MXRA7: variants seen among roughly 807,000 people sequenced by gnomAD.
The protein encoded by MXRA7 is matrix remodeling associated 7, also known as matrix-remodeling-associated protein 7.
A neutral mutation model predicts 17.4 loss-of-function variants in MXRA7; 18 were observed. The ratio of observed to expected loss-of-function variants is 1.03; its 90% CI spans 0.71 to 1.53. The LOEUF (loss-of-function observed/expected upper bound fraction) is 1.53. Among genes scored for constraint, MXRA7 ranks in the 40% most tolerant of loss-of-function variants. MXRA7 has a pLI of 0.00. For synonymous variants in MXRA7, 70 were observed against 101.7 expected, an observed-to-expected ratio of 0.69 and a Z score of 1.87; for missense variants, 141 against 209.3, an observed-to-expected ratio of 0.67 and a Z score of 2.01.
chr17:76,697,707 C>G lies in MXRA7; in HGVS notation c.343-9531G>C, dbSNP rs192689855. The stretch of plus-strand genomic sequence containing the variant: ...ACGGGACGTGCCTCCTGACAGCCTC[C>G]CCAGTGCTAGGAGCCTAGGACCAGG... On this transcript the variant is annotated intron_variant, in intron 1 of 3. Coordinates refer to ENST00000449428, the MANE Select transcript of MXRA7 (RefSeq NM_198530.4). 5.5e-3 allele frequency among the ~76,000 whole-genome samples: 836 copies of G among 152,284 alleles called. 5 individuals are homozygous for G. Among genetic ancestry groups the G allele is most frequent in the African/African-American group, 0.019 (796 of 41,540 alleles).
At chr17:76,698,815 C>T (rs1215167513) in intron 1 of MXRA7, among the ~76,000 whole-genome samples, 2 of 146,656 alleles carry the variant, frequency 1.4e-5, no homozygotes, top group African/African-American at 5.0e-5. Context: ...CTCCGCCTCC[C>T]GGGTTCAAGA....
intron 2 of MXRA7, 61 bp from the exon 3 acceptor site, chr17:76,685,226 G>A (rs372784388): frequency 1.3e-5 from 17 of 1,273,142 alleles, no homozygotes; most frequent in Admixed American, 1.0e-4. Flanking sequence ...CACAAACCCC[G>A]GCCCCCTTTC....
chr17:76,706,092 A>C (rs1036316823), intron 1 of MXRA7, among the ~76,000 whole-genome samples: 9 of 140,942 alleles, frequency 6.4e-5, no homozygotes, highest in Non-Finnish European at 9.3e-5. Flanking sequence ...TGCCATCACA[A>C]AGGCCCACGC....
intron 3 of MXRA7, chr17:76,684,797 T>TGGGGGGGTGGGGGGGGG: frequency 4.5e-6 from 1 of 219,796 alleles, no homozygotes; most frequent in Non-Finnish European, 7.5e-6. Context: ...GTGGAGGGGG[T>TGGGGGGGTGGGGGGGGG]GGGGGGGTGC....
intron 1 of MXRA7, among the ~76,000 whole-genome samples, chr17:76,708,152 G>A (rs145307106): frequency 3.3e-4 from 50 of 152,316 alleles, no homozygotes; most frequent in African/African-American, 1.2e-3. Flanking sequence ...GCTCCTGAGC[G>A]ATCCCCAATA....
At chr17:76,695,353 G>GGTGT (rs71158054) in intron 1 of MXRA7, among the ~76,000 whole-genome samples, 9,059 of 147,456 alleles carry the variant, frequency 0.061, 296 homozygotes, top group African/African-American at 0.067. Flanking sequence ...TTTAGCTTCA[G>GGTGT]GTGTGTGTGT....
Position 76,679,841 on chromosome 17 carries a change from A to C in MXRA7, c.*1026T>G. 1 of 453,728 alleles carries C rather than the reference A, an allele frequency of 2.2e-6. No individual in the cohort carries two copies. Among genetic ancestry groups the C allele is most frequent in the Non-Finnish European group, 2.9e-6 (1 of 348,640 alleles). The allele number at this position is 453,728 out of a possible 1,614,324, so 28.1% of individuals were successfully genotyped here. On this transcript the variant is annotated 3_prime_UTR_variant, in exon 4 of 4. Transcript: ENST00000449428. ...TTGCCATGTGGCCTGTTCTCCCCTA[A>C]GCCCTGAACCAAAGGTTCCAGGCCC...
At chr17:76,693,927 TTTC>T (rs2076504952) in intron 1 of MXRA7, among the ~76,000 whole-genome samples, 1 of 152,256 alleles carries the variant, frequency 6.6e-6, no homozygotes, top group Non-Finnish European at 1.5e-5. Context: ...TTAAAATTTC[TTTC>T]TTATTGTGAC....
chr17:76,684,169 T>C (rs1026437324), intron 3 of MXRA7, among the ~76,000 whole-genome samples: 1 of 152,132 alleles, frequency 6.6e-6, no homozygotes, highest in Non-Finnish European at 1.5e-5. Context: ...GGCGGGTGGC[T>C]TGGCATGCAG....
In MXRA7 at chr17:76,702,857, A is replaced by AT. The variant is rs1491405259; in HGVS notation, c.342+7747_342+7748insA. Among the ~76,000 whole-genome samples the AT allele has an allele frequency of 5.1e-3, 372 of 72,674 alleles. 6 individuals carry two copies. The highest frequency in any genetic ancestry group is 7.8e-3 in the Non-Finnish European group (210 of 26,888). The allele number at this position is 72,674 out of a possible 152,430, so 47.7% of individuals were successfully genotyped here. ...ACAGAGCGAGACTACCTCTTAAAAT[A>AT]AATATATATATATACGTATATATAT... On this transcript the variant is annotated intron_variant, in intron 1 of 3. Coordinates refer to ENST00000449428, the MANE Select transcript of MXRA7 (RefSeq NM_198530.4).
At chr17:76,677,781 G>A (rs760309162), downstream of MXRA7, 9 of 957,946 alleles carry the variant, frequency 9.4e-6, no homozygotes, top group Non-Finnish European at 1.5e-5. Flanking sequence ...GCAGCCGGCG[G>A]AGTTGGGACT....
At position 76,701,985 on chromosome 17, in the gene MXRA7, A is replaced by G. The variant is rs542185833; in HGVS notation, c.342+8620T>C. Among the ~76,000 whole-genome samples the G allele has an allele frequency of 1.2e-3, 181 of 152,324 alleles. 1 individual carries two copies. Among genetic ancestry groups the G allele is most frequent in the African/African-American group, 4.1e-3 (170 of 41,578 alleles). On this transcript the variant is annotated intron_variant, in intron 1 of 3. Transcript: ENST00000449428. ...TAAAAAACAAAAAAGGAAAACAACA[A>G]TAACAACAAAACACTCTTGGGCAGC...
intron 1 of MXRA7, among the ~76,000 whole-genome samples, chr17:76,693,475 CAAAA>C (rs59677254): frequency 3.0e-5 from 3 of 98,626 alleles, no homozygotes; most frequent in Admixed American, 2.3e-4. Context: ...AGATCTGTCT[CAAAA>C]AAAAAAAAAA....
chr17:76,709,064 G>T (rs1026135423), intron 1 of MXRA7, among the ~76,000 whole-genome samples: 1 of 152,112 alleles, frequency 6.6e-6, no homozygotes, highest in African/African-American at 2.4e-5. Flanking sequence ...GCTGAGAGCC[G>T]AAAGCCTTGT....
chr17:76,687,583 C>T (rs2076413783), intron 2 of MXRA7, among the ~76,000 whole-genome samples: 2 of 152,280 alleles, frequency 1.3e-5, no homozygotes, highest in South Asian at 4.2e-4. Context: ...CTGTCCTGGC[C>T]GGGTCCGATC....
rs2076290091 is a variant in MXRA7, at chr17:76,680,633, G to A, written c.*234C>T. 7.6e-7 allele frequency: 1 copy of A among 1,312,778 alleles called. No homozygotes were observed. The highest frequency in any genetic ancestry group is 2.3e-5 in the South Asian group (1 of 42,996). The allele number at this position is 1,312,778 out of a possible 1,614,324, so 81.3% of individuals were successfully genotyped here. On this transcript the variant is annotated 3_prime_UTR_variant, in exon 4 of 4. Coordinates refer to ENST00000449428, the MANE Select transcript of MXRA7 (RefSeq NM_198530.4). ...TTAAAACTCTTCAGCTTAACAAAGT[G>A]ACCCACAGGAACAGACATGAACATC...
chr17:76,702,873 G>GTATATATATATATATATATA (rs776480689), intron 1 of MXRA7, among the ~76,000 whole-genome samples: 3 of 141,846 alleles, frequency 2.1e-5, no homozygotes, highest in African/African-American at 8.0e-5. Flanking sequence ...ATATATATAC[G>GTATATATATATATATATATA]TATATATATA....
rs953275306 is a variant in MXRA7 at position 76,688,601 on chromosome 17, T to C, written c.343-425A>G. ...GCATGGCCATCGCAGCCTCTGGCTT[T>C]GCTTCCTTCTATGTTGTTTTCCATC... On this transcript the variant is annotated intron_variant, in intron 1 of 3. Coordinates refer to ENST00000449428, the MANE Select transcript of MXRA7 (RefSeq NM_198530.4). 25 of 1,253,768 alleles carry C rather than the reference T, an allele frequency of 2.0e-5. No individual in the cohort carries two copies. In the African/African-American group the frequency reaches 3.7e-4, roughly 19 times the overall value. 77.7% of individuals were successfully genotyped at this position (1,253,768 alleles called of 1,614,324 possible). A position where few individuals can be genotyped will look rare whatever the true frequency, so the allele number is the denominator to read the frequency against.
chr17:76,696,988 C>T (rs1022396022), intron 1 of MXRA7, among the ~76,000 whole-genome samples: 3 of 152,298 alleles, frequency 2.0e-5, no homozygotes, highest in Non-Finnish European at 2.9e-5. Flanking sequence ...ATCATCACCG[C>T]GGAGTTCCTG....
Sources: gnomAD v4.1 joint callset for allele counts (sites outside exome capture counted in the v4.1 genomes callset) on GRCh38, gnomAD v4.1.1 for gene constraint, MANE v1.5 for transcripts, NCBI Gene and HGNC (gene_info 2026-07-23, HGNC 2026-07-21) for gene names.